CNTN6: variants seen among roughly 807,000 people sequenced by gnomAD.
CNTN6 encodes contactin-6.
Under a neutral mutation model 122.8 loss-of-function variants are expected in CNTN6, and 137 were observed. The ratio of observed to expected loss-of-function variants is 1.12; its 90% CI spans 0.97 to 1.29. The LOEUF is 1.29. Among genes scored for constraint, CNTN6 ranks in the 50% most tolerant of loss-of-function variants. The pLI, the probability that CNTN6 is intolerant of heterozygous loss-of-function variation, is 0.00. For missense variants in CNTN6, 1,634 were observed against 1,223.4 expected, an observed-to-expected ratio of 1.34 and a Z score of -5.01; for synonymous variants, 570 against 426.0, an observed-to-expected ratio of 1.34 and a Z score of -4.16.
intron 12 of CNTN6, among the ~76,000 whole-genome samples, chr3:1,370,990 G>T (rs4684938): frequency 6.6e-6 from 1 of 151,968 alleles, no homozygotes; most frequent in African/African-American, 2.4e-5. Flanking sequence ...GAACTATAGC[G>T]TGTGTTTTTA....
At chr3:1,163,936 G>C (rs2093190394) in intron 2 of CNTN6, among the ~76,000 whole-genome samples, 1 of 152,132 alleles carries the variant, frequency 6.6e-6, no homozygotes. Context: ...TGAAGAGCAG[G>C]GGAAATCTGC....
chr3:1,389,721 T>G (rs377590809), intron 20 of CNTN6, among the ~76,000 whole-genome samples: 1 of 146,720 alleles, frequency 6.8e-6, no homozygotes, highest in Non-Finnish European at 1.5e-5. Context: ...GAAGATCTAC[T>G]GAGCCAATGG....
chr3:1,360,706 C>G (rs907337182), intron 12 of CNTN6, among the ~76,000 whole-genome samples: 2 of 151,848 alleles, frequency 1.3e-5, no homozygotes, highest in African/African-American at 4.8e-5. Flanking sequence ...AGTTAATTCC[C>G]AAACTCAAAT....
At chr3:1,197,932 G>A (rs552304714) in intron 2 of CNTN6, among the ~76,000 whole-genome samples, 21 of 152,092 alleles carry the variant, frequency 1.4e-4, no homozygotes, top group Admixed American at 2.0e-4. Flanking sequence ...AACAATGAAC[G>A]TTTCCAATAC....
intron 13 of CNTN6, 32 bp from the exon 14 acceptor site, chr3:1,372,806 G>T (rs188030724): frequency 7.4e-7 from 1 of 1,354,802 alleles, no homozygotes; most frequent in Non-Finnish European, 1.0e-6. Flanking sequence ...ATGGGCTTAC[G>T]TTTTTATCCA....
chr3:1,252,699 A>T (rs2094690380), intron 4 of CNTN6, among the ~76,000 whole-genome samples: 1 of 152,208 alleles, frequency 6.6e-6, no homozygotes, highest in African/African-American at 2.4e-5. Context: ...CCTGACTAAG[A>T]TGCTTATTTT....
intron 2 of CNTN6, among the ~76,000 whole-genome samples, chr3:1,216,285 A>T (rs1050988014): frequency 6.6e-6 from 1 of 152,232 alleles, no homozygotes; most frequent in East Asian, 1.9e-4. Flanking sequence ...GAGAATTCTC[A>T]GAATGCTGTT....
intron 4 of CNTN6, among the ~76,000 whole-genome samples, chr3:1,265,044 C>CTTTTTTTTTTTTTTTTT (rs201949693): frequency 9.9e-6 from 1 of 100,776 alleles, no homozygotes; most frequent in African/African-American, 3.8e-5. Context: ...ACCGAATTTC[C>CTTTTTTTTTTTTTTTTT]TTTTTTTTTT....
intron 4 of CNTN6, among the ~76,000 whole-genome samples, chr3:1,254,547 T>C (rs2094722106): frequency 6.6e-6 from 1 of 152,208 alleles, no homozygotes; most frequent in Admixed American, 6.5e-5. Context: ...TATTATCATG[T>C]GTCAGACTCT....
At chr3:1,332,538 G>A (rs889623448) in intron 11 of CNTN6, among the ~76,000 whole-genome samples, 2 of 142,120 alleles carry the variant, frequency 1.4e-5, no homozygotes, top group African/African-American at 5.0e-5. Flanking sequence ...AAGGAGGGAG[G>A]GAAGGAAGGA....
intron 20 of CNTN6, among the ~76,000 whole-genome samples, chr3:1,387,963 A>AAGGC (rs1693345049): frequency 6.6e-6 from 1 of 152,112 alleles, no homozygotes; most frequent in African/African-American, 2.4e-5. Flanking sequence ...ATCAAACTGC[A>AAGGC]AGGCGGCAGC....
At chr3:1,329,085 G>A (rs1160036444) in intron 10 of CNTN6, among the ~76,000 whole-genome samples, 1 of 150,780 alleles carries the variant, frequency 6.6e-6, no homozygotes, top group Non-Finnish European at 1.5e-5. Flanking sequence ...ACATATATAT[G>A]TATATATGTG....
At chr3:1,319,507 T>C (rs2125962306) in intron 7 of CNTN6, among the ~76,000 whole-genome samples, 1 of 151,378 alleles carries the variant, frequency 6.6e-6, no homozygotes, top group Non-Finnish European at 1.5e-5. Flanking sequence ...AATGTTCAGT[T>C]ACTTAGGTAT....
chr3:1,109,127 G>T (rs2091359588), intron 1 of CNTN6, among the ~76,000 whole-genome samples: 1 of 151,890 alleles, frequency 6.6e-6, no homozygotes, highest in South Asian at 2.1e-4. Context: ...AAATTTTAAG[G>T]GGGAAACAGC....
intron 11 of CNTN6, among the ~76,000 whole-genome samples, chr3:1,341,198 T>A (rs1046368761): frequency 3.0e-4 from 45 of 150,514 alleles, no homozygotes; most frequent in South Asian, 8.4e-4. Flanking sequence ...TTTTTTTTTT[T>A]AATTTATTTC....
chr3:1,354,252 T>C (rs1013423023), intron 12 of CNTN6, among the ~76,000 whole-genome samples: 2 of 59,084 alleles, frequency 3.4e-5, no homozygotes, highest in African/African-American at 1.3e-4. Flanking sequence ...TCCTAGTACT[T>C]ATGATAGAAA....
intron 11 of CNTN6, among the ~76,000 whole-genome samples, chr3:1,349,032 C>T (rs773387435): frequency 1.3e-5 from 2 of 151,916 alleles, no homozygotes; most frequent in Non-Finnish European, 2.9e-5. Context: ...CATACCGTTT[C>T]AAACACAGTA....
rs774731763 is a variant in CNTN6 at position 1,385,848 on chromosome 3, T to C, written c.2704+51T>C. On this transcript the variant is annotated intron_variant, in intron 20 of 22. Transcript: ENST00000446702. ...CAAGATTCATCTGTGAAGAGCAACC[T>C]ATTCCTTTGCTTGATGTTCATTTCA... The C allele has an allele frequency of 1.1e-5, 16 of 1,454,548 alleles. 1 individual carries two copies. In the South Asian group the frequency reaches 1.8e-4, roughly 16 times the overall value. The allele number at this position is 1,454,548 out of a possible 1,614,324, so 90.1% of individuals were successfully genotyped here.
At chr3:1,267,880 C>T (rs545512192) in intron 4 of CNTN6, among the ~76,000 whole-genome samples, 1 of 150,106 alleles carries the variant, frequency 6.7e-6, no homozygotes, top group African/African-American at 2.5e-5. Context: ...CCTCACATTT[C>T]TTTCTGAAAA....
Sources: allele counts gnomAD v4.1 joint callset (sites outside exome capture counted in the v4.1 genomes callset), GRCh38; gene constraint gnomAD v4.1.1; transcripts MANE v1.5; gene names NCBI Gene and HGNC (gene_info 2026-07-23, HGNC 2026-07-21).